SNTG1: variants seen among roughly 807,000 people sequenced by gnomAD.
SNTG1 encodes syntrophin gamma 1, also known as gamma-1-syntrophin.
A neutral mutation model predicts 74.7 loss-of-function variants in SNTG1; 39 were observed. That is an observed-to-expected ratio of 0.52 (90% confidence interval 0.40 to 0.68). The LOEUF is 0.68. Among genes scored for constraint, SNTG1 ranks in the 30% least tolerant of loss-of-function variants. The pLI is 0.00. For synonymous variants in SNTG1, 254 were observed against 217.1 expected, an observed-to-expected ratio of 1.17 and a Z score of -1.49; for missense variants, 685 against 609.5, an observed-to-expected ratio of 1.12 and a Z score of -1.30.
At chr8:50,318,138 T>G (rs903882808) in intron 2 of SNTG1, among the ~76,000 whole-genome samples, 1 of 152,088 alleles carries the variant, frequency 6.6e-6, no homozygotes, top group African/African-American at 2.4e-5. Context: ...GCCCAGCCAC[T>G]TATTGTCTGA....
intron 8 of SNTG1, among the ~76,000 whole-genome samples, chr8:50,476,576 T>C (rs567463200): frequency 6.6e-6 from 1 of 152,298 alleles, no homozygotes; most frequent in East Asian, 1.9e-4. Flanking sequence ...ATGGATAGGA[T>C]ACAGTTGGGG....
At chr8:50,411,262 C>T (rs990213054) in intron 4 of SNTG1, among the ~76,000 whole-genome samples, 4 of 151,944 alleles carry the variant, frequency 2.6e-5, no homozygotes, top group African/African-American at 9.7e-5. Flanking sequence ...TCCTGGCTAA[C>T]ACGGTGAAAC....
intron 2 of SNTG1, among the ~76,000 whole-genome samples, chr8:50,391,498 T>G (rs1365179270): frequency 1.3e-5 from 2 of 152,176 alleles, no homozygotes; most frequent in Admixed American, 6.5e-5. Flanking sequence ...GATTTTTGCA[T>G]CAATGTTCAT....
intron 13 of SNTG1, among the ~76,000 whole-genome samples, chr8:50,650,411 C>T (rs946171846): frequency 6.6e-6 from 1 of 152,038 alleles, no homozygotes; most frequent in Non-Finnish European, 1.5e-5. Flanking sequence ...CCTTTAGATT[C>T]ATTCACATTG....
chr8:50,393,010 A>G (rs2092682823), intron 2 of SNTG1, among the ~76,000 whole-genome samples: 1 of 152,254 alleles, frequency 6.6e-6, no homozygotes, highest in South Asian at 2.1e-4. Context: ...TAGTAAAAGA[A>G]TAACTTTACA....
At chr8:50,636,554 C>T (rs1400316271) in intron 13 of SNTG1, among the ~76,000 whole-genome samples, 1 of 152,102 alleles carries the variant, frequency 6.6e-6, no homozygotes. Context: ...GGACTGACTT[C>T]CAATGAAAAT....
intron 1 of SNTG1, among the ~76,000 whole-genome samples, chr8:50,052,557 T>C (rs911803112): frequency 6.6e-6 from 1 of 151,950 alleles, no homozygotes; most frequent in Admixed American, 6.6e-5. Context: ...AAGGAAAAAA[T>C]TTAAAAGTAG....
rs925185693 is a variant in SNTG1, at chr8:50,793,025, G to T, written c.*196G>T. ...ATGACATCTGTGAAATATACTACAT[G>T]AACAGAACAGCTTGTTCTCACTCAG... On this transcript the variant is annotated 3_prime_UTR_variant, in exon 19 of 19. Transcript: ENST00000642720. The T allele has an allele frequency of 6.7e-6, 3 of 447,532 alleles. No individual in the cohort carries two copies. Among genetic ancestry groups the T allele is most frequent in the South Asian group, 1.3e-4 (2 of 15,340 alleles). 27.7% of individuals were successfully genotyped at this position (447,532 alleles called of 1,614,324 possible).
intron 1 of SNTG1, among the ~76,000 whole-genome samples, chr8:49,970,171 T>A (rs1444932824): frequency 1.3e-5 from 2 of 152,116 alleles, no homozygotes; most frequent in Non-Finnish European, 2.9e-5. Flanking sequence ...AATATCTCTG[T>A]ATCTCACCAT....
intron 1 of SNTG1, among the ~76,000 whole-genome samples, chr8:50,039,300 A>G (rs1818422512): frequency 6.6e-6 from 1 of 151,914 alleles, no homozygotes; most frequent in South Asian, 2.1e-4. Flanking sequence ...CTAAAAATGC[A>G]AAAAAGTAGC....
intron 2 of SNTG1, among the ~76,000 whole-genome samples, chr8:50,346,905 A>C (rs2091494993): frequency 1.3e-5 from 2 of 152,262 alleles, no homozygotes; most frequent in African/African-American, 4.8e-5. Context: ...AGAAGGTTGA[A>C]GTGAGCAGAA....
At chr8:50,510,691 G>GT (rs933035162) in intron 9 of SNTG1, among the ~76,000 whole-genome samples, 2 of 152,076 alleles carry the variant, frequency 1.3e-5, no homozygotes, top group Admixed American at 6.6e-5. Context: ...AGGTTTTCTA[G>GT]TTTTTTTGCG....
At chr8:50,120,377 C>A (rs2080955297) in intron 1 of SNTG1, among the ~76,000 whole-genome samples, 1 of 139,774 alleles carries the variant, frequency 7.2e-6, no homozygotes, top group African/African-American at 2.6e-5. Flanking sequence ...AATATTACTA[C>A]CATCACCACC....
At chr8:49,980,314 C>T (rs1448107850) in intron 1 of SNTG1, among the ~76,000 whole-genome samples, 2 of 152,038 alleles carry the variant, frequency 1.3e-5, no homozygotes, top group Non-Finnish European at 2.9e-5. Flanking sequence ...AGCCATTCTC[C>T]TCTCTGCTTG....
chr8:50,205,183 A>C (rs1013947550), intron 2 of SNTG1, among the ~76,000 whole-genome samples: 2 of 152,114 alleles, frequency 1.3e-5, no homozygotes, highest in Non-Finnish European at 2.9e-5. Context: ...TACAGTCCCA[A>C]CAGCAGTGTA....
At chr8:50,587,563 G>A (rs1350542289) in intron 12 of SNTG1, among the ~76,000 whole-genome samples, 3 of 152,118 alleles carry the variant, frequency 2.0e-5, no homozygotes, top group African/African-American at 7.2e-5. Flanking sequence ...AGTGGCTCAC[G>A]CCTGAAATCC....
At chr8:50,490,723 T>C (rs1403863952) in intron 8 of SNTG1, 1 of 152,302 alleles carries the variant, frequency 6.6e-6, no homozygotes, top group Non-Finnish European at 1.5e-5. Context: ...ATGGCTCCTT[T>C]AGCTGACCTG....
At chr8:50,432,729 T>C (rs879471682) in intron 4 of SNTG1, among the ~76,000 whole-genome samples, 48 of 151,958 alleles carry the variant, frequency 3.2e-4, no homozygotes, top group African/African-American at 1.1e-3. Context: ...ATTAGTATTA[T>C]GTTAGATTTA....
At chr8:50,780,329 G>A (rs1021159571) in intron 18 of SNTG1, among the ~76,000 whole-genome samples, 1 of 152,032 alleles carries the variant, frequency 6.6e-6, no homozygotes, top group South Asian at 2.1e-4. Flanking sequence ...AATCCCTCTG[G>A]TCCTGGACTC....
Sources: gnomAD v4.1 joint callset for allele counts (sites outside exome capture counted in the v4.1 genomes callset) on GRCh38, gnomAD v4.1.1 for gene constraint, MANE v1.5 for transcripts, NCBI Gene and HGNC (gene_info 2026-07-23, HGNC 2026-07-21) for gene names.